The following RPSA2 variants were observed in gnomAD, a reference collection of about 807,000 sequenced individuals.
RPSA2 encodes small ribosomal subunit protein uS2B.
the RPSA2 span, among the ~76,000 whole-genome samples, chr19:23,805,339 T>G: frequency 6.6e-6 from 1 of 151,958 alleles, no homozygotes; most frequent in Non-Finnish European, 1.5e-5. Context: ...TAATTTTCTA[T>G]TTTTAGTAGA....
the RPSA2 span, chr19:23,758,896 GC>G: frequency 9.0e-7 from 1 of 1,107,340 alleles, no homozygotes. Flanking sequence ...AGAGACAAAG[GC>G]CCCGCCAATC....
At chr19:23,813,251 T>A in the RPSA2 span, among the ~76,000 whole-genome samples, 5 of 93,560 alleles carry the variant, frequency 5.3e-5, no homozygotes, top group Admixed American at 2.1e-4. Context: ...AAAAAAAAAG[T>A]TGTGTATTTC....
At chr19:23,844,927 G>A in the RPSA2 span, among the ~76,000 whole-genome samples, 1 of 149,422 alleles carries the variant, frequency 6.7e-6, no homozygotes, top group Admixed American at 6.7e-5. Context: ...TTTTATTACT[G>A]ACTCAATCAT....
the RPSA2 span, among the ~76,000 whole-genome samples, chr19:23,824,970 T>C: frequency 1.8e-4 from 28 of 151,958 alleles, no homozygotes; most frequent in African/African-American, 6.8e-4. Context: ...TGTTTTGTTT[T>C]GTTTTTGTTT....
chr19:23,839,214 A>T, the RPSA2 span, among the ~76,000 whole-genome samples: 1 of 152,198 alleles, frequency 6.6e-6, no homozygotes, highest in Non-Finnish European at 1.5e-5. Flanking sequence ...TAAGGAGCAG[A>T]TTATTTAATT....
the RPSA2 span, among the ~76,000 whole-genome samples, chr19:23,839,842 C>CTGGAGGTG: frequency 6.6e-6 from 1 of 152,192 alleles, no homozygotes; most frequent in Admixed American, 6.5e-5. Flanking sequence ...CTTGACTCAC[C>CTGGAGGTG]TCCAGGTAGT....
the RPSA2 span, among the ~76,000 whole-genome samples, chr19:23,763,446 G>A: frequency 2.0e-5 from 3 of 152,340 alleles, no homozygotes; most frequent in African/African-American, 7.2e-5. Flanking sequence ...TGCGTGGGAA[G>A]AACTGCAGCC....
At chr19:23,761,819 C>T in the RPSA2 span, among the ~76,000 whole-genome samples, 1 of 151,740 alleles carries the variant, frequency 6.6e-6, no homozygotes, top group African/African-American at 2.4e-5. Context: ...GCAGCGTAGT[C>T]ACGGCACAAT....
At chr19:23,867,463 A>G in the RPSA2 span, among the ~76,000 whole-genome samples, 1 of 152,326 alleles carries the variant, frequency 6.6e-6, no homozygotes, top group African/African-American at 2.4e-5. Context: ...GACATGGAAT[A>G]TCAGAGTGGG....
the RPSA2 span, chr19:23,827,799 A>C: frequency 2.9e-3 from 4,555 of 1,582,604 alleles, 72 homozygotes; most frequent in African/African-American, 0.04. Context: ...ATTGAAAAAG[A>C]AGAGCAGGCT....
At chr19:23,858,972 C>T in the RPSA2 span, among the ~76,000 whole-genome samples, 1 of 152,084 alleles carries the variant, frequency 6.6e-6, no homozygotes, top group South Asian at 2.1e-4. Context: ...ACTTGGGTGC[C>T]CCACTCTTTT....
chr19:23,856,891 T>C, the RPSA2 span, among the ~76,000 whole-genome samples: 1 of 152,112 alleles, frequency 6.6e-6, no homozygotes, highest in Non-Finnish European at 1.5e-5. Flanking sequence ...AAACTCCTGA[T>C]AAGGGTCTAT....
chr19:23,777,758 T>G, the RPSA2 span, among the ~76,000 whole-genome samples: 1 of 152,162 alleles, frequency 6.6e-6, no homozygotes, highest in Non-Finnish European at 1.5e-5. Context: ...ATCCTTGGGC[T>G]CAGCACCCAG....
the RPSA2 span, chr19:23,809,366 T>C: frequency 6.6e-6 from 1 of 152,304 alleles, no homozygotes; most frequent in Non-Finnish European, 1.5e-5. Context: ...TGTAGTTTCA[T>C]CTATGTTTTA....
At chr19:23,848,525 A>T in the RPSA2 span, among the ~76,000 whole-genome samples, 1 of 152,220 alleles carries the variant, frequency 6.6e-6, no homozygotes, top group Non-Finnish European at 1.5e-5. Context: ...ACAATGTATA[A>T]ACCAGCTTGA....
At chr19:23,832,650 T>C in the RPSA2 span, 3 of 1,467,540 alleles carry the variant, frequency 2.0e-6, no homozygotes, top group Non-Finnish European at 2.7e-6. Context: ...GTGAAGAAGG[T>C]GGCAAAGCAT....
the RPSA2 span, chr19:23,831,817 ATGTT>A: frequency 3.2e-6 from 1 of 307,878 alleles, no homozygotes; most frequent in African/African-American, 2.3e-5. Flanking sequence ...AATGTGGTAA[ATGTT>A]TGAAAGTCCT....
the RPSA2 span, chr19:23,827,742 C>T: frequency 6.3e-7 from 1 of 1,575,758 alleles, no homozygotes; most frequent in Non-Finnish European, 8.6e-7. Flanking sequence ...CGTGAACACC[C>T]ATGGGAGGTC....
the RPSA2 span, chr19:23,818,564 C>T: frequency 6.6e-6 from 1 of 152,452 alleles, no homozygotes; most frequent in Non-Finnish European, 1.5e-5. Flanking sequence ...CTGTAGATTT[C>T]CGAGCCAGCA....
Sources: gnomAD v4.1 joint callset for allele counts (sites outside exome capture counted in the v4.1 genomes callset) on GRCh38, gnomAD v4.1.1 for gene constraint, MANE v1.5 for transcripts, NCBI Gene and HGNC (gene_info 2026-07-23, HGNC 2026-07-21) for gene names.